PARVB: variants seen among roughly 807,000 people sequenced by gnomAD.
PARVB encodes the protein parvin beta.
In PARVB, 46 loss-of-function variants were observed where a neutral mutation model predicts 47.0. That is an observed-to-expected ratio of 0.98 (90% CI 0.77 to 1.25). The LOEUF is 1.25. PARVB is among the 50% of genes most tolerant of loss of function. The pLI is 0.00. For missense variants in PARVB, 473 were observed against 471.6 expected, an observed-to-expected ratio of 1.00 and a Z score of -0.03; for synonymous variants, 196 against 196.3, an observed-to-expected ratio of 1.00 and a Z score of 0.01.
At chr22:44,136,812 G>A (rs1391614305) in intron 7 of PARVB, among the ~76,000 whole-genome samples, 15 of 152,246 alleles carry the variant, frequency 9.9e-5, no homozygotes, top group Admixed American at 9.8e-4. Flanking sequence ...GGCAGAGAGA[G>A]TTCAGGATGG....
In PARVB at chr22:44,125,321, C is replaced by T. The variant is rs114190146; in HGVS notation, c.377-6166C>T. 5.9e-3 allele frequency among the ~76,000 whole-genome samples: 901 copies of T among 152,258 alleles called. 11 individuals are homozygous for T. Among genetic ancestry groups the T allele is most frequent in the African/African-American group, 0.021 (865 of 41,534 alleles). On this transcript the variant is annotated intron_variant, in intron 4 of 12. Transcript: ENST00000338758. This position sits in a 1 kb window ranked among gnomAD's most constrained non-coding sequence, Gnocchi z 4.1. ...CAAGAGAGATGAGCCCCGCACCCTGCGCCTGCCCACTCCCCCAGCACACAT... is the reference window on the plus strand; with the variant it reads ...CAAGAGAGATGAGCCCCGCACCCTGTGCCTGCCCACTCCCCCAGCACACAT...
intron 1 of PARVB, among the ~76,000 whole-genome samples, chr22:44,074,760 G>A (rs73888848): frequency 0.088 from 13,416 of 152,280 alleles, 694 homozygotes; most frequent in Middle Eastern, 0.14. Flanking sequence ...CAGTGTGGGC[G>A]TGGGGGGCAG....
intron 2 of PARVB, among the ~76,000 whole-genome samples, chr22:44,095,553 C>T (rs986879825): frequency 1.3e-5 from 2 of 152,110 alleles, no homozygotes; most frequent in African/African-American, 4.8e-5. Flanking sequence ...AATTAATATG[C>T]TTCTTCCCTT....
chr22:44,082,473 C>G (rs746317876), intron 1 of PARVB, among the ~76,000 whole-genome samples: 1 of 152,134 alleles, frequency 6.6e-6, no homozygotes, highest in East Asian at 1.9e-4. Flanking sequence ...GAGCCAAGAT[C>G]GAGCCACTGC....
chr22:44,082,812 C>A (rs371188479), intron 1 of PARVB, among the ~76,000 whole-genome samples: 1 of 152,144 alleles, frequency 6.6e-6, no homozygotes, highest in Non-Finnish European at 1.5e-5. Context: ...AAGAAAAGAC[C>A]GTGTTTCTGG....
At chr22:44,130,398 G>A (rs556925226) in intron 4 of PARVB, among the ~76,000 whole-genome samples, 5 of 152,312 alleles carry the variant, frequency 3.3e-5, no homozygotes, top group South Asian at 4.1e-4. Context: ...GCTGGTGGCC[G>A]GCACCTGCCA....
chr22:44,042,575 G>A (rs1011996336), intron 1 of PARVB, among the ~76,000 whole-genome samples: 11 of 152,234 alleles, frequency 7.2e-5, no homozygotes, highest in African/African-American at 2.7e-4. Context: ...CACTGCTGCT[G>A]CTGAGAACGT....
At position 44,119,646 on chromosome 22, in the gene PARVB, C is replaced by G. The variant is rs1383296799; in HGVS notation, c.376+506C>G. The stretch of plus-strand genomic sequence containing the variant: ...ACTGATGCATGGTTTGATGTGCAGA[C>G]AAACCGGTTGTTTATTCATCAGATG... On this transcript the variant is annotated intron_variant, in intron 4 of 12. Transcript: ENST00000338758. 5 of 422,526 alleles carry G rather than the reference C, an allele frequency of 1.2e-5. No homozygotes were observed. The East Asian group carries it at 3.6e-4, about 30-fold the overall frequency. The allele number at this position is 422,526 out of a possible 1,614,324, so 26.2% of individuals were successfully genotyped here. A position where few individuals can be genotyped will look rare whatever the true frequency, so the allele number is the denominator to read the frequency against.
chr22:44,150,981 G>A (rs13057449), intron 9 of PARVB: 29,115 of 138,542 alleles, frequency 0.21, 3,856 homozygotes, highest in East Asian at 0.58. Flanking sequence ...GCAATGAGCC[G>A]AGATCACGCC....
intron 1 of PARVB, among the ~76,000 whole-genome samples, chr22:44,025,412 C>T (rs772277787): frequency 6.6e-6 from 1 of 152,102 alleles, no homozygotes; most frequent in Admixed American, 6.6e-5. Flanking sequence ...GTGTGTGCCC[C>T]GGGAAGACAT....
At chr22:44,080,011 T>G (rs1298297944) in intron 1 of PARVB, among the ~76,000 whole-genome samples, 1 of 152,206 alleles carries the variant, frequency 6.6e-6, no homozygotes, top group African/African-American at 2.4e-5. Flanking sequence ...CGCGGCAGCC[T>G]TAGGGCCAGT....
chr22:44,047,688 A>G (rs1038291628), intron 1 of PARVB, among the ~76,000 whole-genome samples: 21 of 152,184 alleles, frequency 1.4e-4, no homozygotes, highest in African/African-American at 4.8e-4. Context: ...AAAACCCAGC[A>G]GAAGTGGATT....
intron 2 of PARVB, among the ~76,000 whole-genome samples, chr22:44,011,864 C>T (rs796832462): frequency 2.0e-4 from 31 of 152,222 alleles, no homozygotes; most frequent in African/African-American, 5.8e-4. Context: ...TCCAAAACAC[C>T]ACTCTCATCC....
At chr22:44,085,216 ACCCCAGCTCCAAGTAG>A (rs1479890617) in intron 1 of PARVB, among the ~76,000 whole-genome samples, 4 of 152,028 alleles carry the variant, frequency 2.6e-5, no homozygotes. Flanking sequence ...TGATCCTCCC[ACCCCAGCTCCAAGTAG>A]CTGGGACAAC....
At chr22:44,039,933 G>C (rs989676337) in intron 1 of PARVB, 27 of 449,002 alleles carry the variant, frequency 6.0e-5, no homozygotes, top group Non-Finnish European at 9.4e-5. Flanking sequence ...TTCTGCCTCA[G>C]CCTCCCAAGG....
chr22:44,107,711 C>G (rs547635824), intron 3 of PARVB: 9 of 152,250 alleles, frequency 5.9e-5, no homozygotes, highest in African/African-American at 2.2e-4. Context: ...CATAATGAAT[C>G]CTCCGCAAAA....
chr22:44,154,488 A>C, intron 10 of PARVB, among the ~76,000 whole-genome samples: 1 of 149,044 alleles, frequency 6.7e-6, no homozygotes, highest in Non-Finnish European at 1.5e-5. Context: ...TGGTTTATGC[A>C]GTCTGTTGGG....
intron 2 of PARVB, among the ~76,000 whole-genome samples, chr22:44,004,930 T>C (rs1361827388): frequency 1.3e-5 from 2 of 152,124 alleles, no homozygotes; most frequent in Non-Finnish European, 2.9e-5. Context: ...CCAAAAAGAT[T>C]CTAAAAATGG....
intron 5 of PARVB, among the ~76,000 whole-genome samples, chr22:44,131,935 G>T (rs754493448): frequency 6.6e-6 from 1 of 152,180 alleles, no homozygotes; most frequent in Non-Finnish European, 1.5e-5. Flanking sequence ...AGCAGCCTTG[G>T]GGGGTTCTTG....
Sources: gnomAD v4.1 joint callset for allele counts (sites outside exome capture counted in the v4.1 genomes callset) on GRCh38, gnomAD v4.1.1 for gene constraint, Gnocchi (gnomAD v3.1) non-coding constraint, MANE v1.5 for transcripts, NCBI Gene and HGNC (gene_info 2026-07-23, HGNC 2026-07-21) for gene names.